AFDN: variants seen among roughly 807,000 people sequenced by gnomAD.
AFDN encodes afadin, adherens junction formation factor.
A neutral mutation model predicts 216.6 loss-of-function variants in AFDN; 68 were observed. The ratio of observed to expected loss-of-function variants is 0.31; its 90% CI spans 0.26 to 0.38. The LOEUF is 0.38. Ranked by LOEUF, AFDN falls within the 10% of genes least tolerant of loss-of-function variation. The pLI, the probability that AFDN is intolerant of heterozygous loss-of-function variation, is 1.00. For synonymous variants in AFDN, 868 were observed against 853.7 expected (o/e 1.02, Z -0.29); for missense variants, 2,136 against 2,342.0 (o/e 0.91, Z 1.82).
intron 1 of AFDN, among the ~76,000 whole-genome samples, chr6:167,835,630 T>C (rs1780340842): frequency 6.6e-6 from 1 of 152,216 alleles, no homozygotes; most frequent in African/African-American, 2.4e-5. Context: ...TAGTAAAAAA[T>C]ACGTTTTGTA....
intron 12 of AFDN, among the ~76,000 whole-genome samples, chr6:167,906,665 T>A (rs1281961352): frequency 6.6e-6 from 1 of 152,212 alleles, no homozygotes; most frequent in African/African-American, 2.4e-5. Context: ...CCATATAATA[T>A]GTGTTTTCCC....
chr6:167,898,169 A>G, intron 10 of AFDN, 36 bp from the exon 11 acceptor site: 1 of 1,608,848 alleles, frequency 6.2e-7, no homozygotes, highest in Non-Finnish European at 8.5e-7. Context: ...TGTGAACTTC[A>G]TGATGGGAGT....
At chr6:167,924,881 C>A in intron 22 of AFDN, 124 bp from the exon 23 acceptor site, 1 of 779,438 alleles carries the variant, frequency 1.3e-6, no homozygotes, top group Admixed American at 1.7e-5. Flanking sequence ...TACTGTTTAT[C>A]TTCTCATCCT....
intron 2 of AFDN, among the ~76,000 whole-genome samples, chr6:167,867,471 C>G (rs533596694): frequency 3.3e-5 from 5 of 150,134 alleles, no homozygotes; most frequent in African/African-American, 1.2e-4. Flanking sequence ...ATTCTGTCGC[C>G]CAGGCTGGAG....
chr6:167,937,150 C>T (rs916498500), intron 23 of AFDN, among the ~76,000 whole-genome samples: 1 of 152,060 alleles, frequency 6.6e-6, no homozygotes, highest in Non-Finnish European at 1.5e-5. Context: ...GGAATGTGTC[C>T]ACGGAAATGT....
intron 1 of AFDN, among the ~76,000 whole-genome samples, chr6:167,835,901 GT>G (rs1374270004): frequency 3.3e-5 from 5 of 152,112 alleles, no homozygotes; most frequent in African/African-American, 1.2e-4. Context: ...AAAAATATGT[GT>G]GTTCTAAGGT....
chr6:167,870,278 A>T lies in AFDN; in HGVS notation c.302-108A>T, dbSNP rs1301987041. The T allele has an allele frequency of 4.7e-6, 3 of 642,932 alleles. No individual in the cohort carries two copies. In the Admixed American group the frequency reaches 8.3e-5, roughly 18 times the overall value. The allele number at this position is 642,932 out of a possible 1,614,324, so 39.8% of individuals were successfully genotyped here. ...TTTGAACAATACATTTCAGTCTGCA[A>T]GTAGGTGCTTTGTCTATAAAATTAA... On this transcript the variant is annotated intron_variant, in intron 2 of 33. Transcript: ENST00000683244.
chr6:167,929,380 A>T (rs1355130794), intron 23 of AFDN, among the ~76,000 whole-genome samples: 1 of 152,262 alleles, frequency 6.6e-6, no homozygotes, highest in East Asian at 1.9e-4. Flanking sequence ...GTAACAGCGT[A>T]GAAGGTTAGG....
intron 3 of AFDN, among the ~76,000 whole-genome samples, chr6:167,871,438 C>T (rs899482058): frequency 6.6e-6 from 1 of 152,206 alleles, no homozygotes; most frequent in Non-Finnish European, 1.5e-5. Flanking sequence ...AAGACCAGTG[C>T]AGTGCTCCAA....
At chr6:167,886,773 G>T (rs1023882477) in intron 6 of AFDN, among the ~76,000 whole-genome samples, 1 of 152,034 alleles carries the variant, frequency 6.6e-6, no homozygotes. Flanking sequence ...CTGAACAGAC[G>T]CCTGATGCTT....
At chr6:167,897,738 C>T (rs1788460737) in intron 10 of AFDN, among the ~76,000 whole-genome samples, 2 of 145,896 alleles carry the variant, frequency 1.4e-5, no homozygotes, top group African/African-American at 2.6e-5. Flanking sequence ...CCTCCAACTC[C>T]CTGGTTCAAG....
rs144799471 is a variant in AFDN at position 167,948,316 on chromosome 6, T to C, written c.3669T>C (p.Pro1223=). ...CTEEQTPPPR[P]EAYPIPTQTY... is the part of the protein sequence containing the mutation. ...AGGAGCAGACGCCTCCGCCTAGACC[T>C]GAAGCCTACCCCATCCCCACTCAGA... Residue 1223 remains proline, a synonymous_variant, in exon 29 of 34, where the codon CCT becomes CCC. Coordinates refer to ENST00000683244, the MANE Select transcript of AFDN (RefSeq NM_001386888.1). 5 of 1,613,826 alleles carry C rather than the reference T, an allele frequency of 3.1e-6. No individual in the cohort carries two copies. The African/African-American group carries it at 6.7e-5, about 22-fold the overall frequency.
At chr6:167,922,220 G>T (rs1583420346) in intron 21 of AFDN, among the ~76,000 whole-genome samples, 1 of 152,250 alleles carries the variant, frequency 6.6e-6, no homozygotes, top group East Asian at 1.9e-4. Context: ...GAATTGAAAG[G>T]CTTACTTTTA....
intron 30 of AFDN, among the ~76,000 whole-genome samples, chr6:167,959,827 G>A (rs887645133): frequency 2.6e-5 from 4 of 151,988 alleles, no homozygotes; most frequent in Admixed American, 6.6e-5. Context: ...TGTAGTTCTC[G>A]ATTTAGAATA....
At chr6:167,853,535 T>C (rs17165137) in intron 1 of AFDN, among the ~76,000 whole-genome samples, 82,380 of 151,836 alleles carry the variant, frequency 0.54, 23,091 homozygotes, top group Middle Eastern at 0.63. Context: ...GTTTTATGTT[T>C]CCAGCGATTG....
At chr6:167,899,711 A>C (rs1272701748) in intron 11 of AFDN, among the ~76,000 whole-genome samples, 1 of 152,200 alleles carries the variant, frequency 6.6e-6, no homozygotes, top group Non-Finnish European at 1.5e-5. Context: ...AGGTTTGTCC[A>C]AAGAGATTAT....
At chr6:167,888,430 T>C (rs562602895) in intron 6 of AFDN, among the ~76,000 whole-genome samples, 6 of 152,304 alleles carry the variant, frequency 3.9e-5, no homozygotes, top group Admixed American at 1.3e-4. Flanking sequence ...TTTCTTATTC[T>C]CTCTAATCCT....
intron 1 of AFDN, among the ~76,000 whole-genome samples, chr6:167,862,256 G>A (rs1293979474): frequency 1.3e-5 from 2 of 152,300 alleles, no homozygotes; most frequent in East Asian, 3.9e-4. Flanking sequence ...ACAGTGCGTA[G>A]GACGTGGTCA....
intron 3 of AFDN, among the ~76,000 whole-genome samples, chr6:167,870,826 A>G (rs1784706677): frequency 6.6e-6 from 1 of 152,202 alleles, no homozygotes; most frequent in African/African-American, 2.4e-5. Flanking sequence ...ATAAGGATCA[A>G]AAGGGAAAAT....
Sources: gnomAD v4.1 joint callset for allele counts (sites outside exome capture counted in the v4.1 genomes callset) on GRCh38, gnomAD v4.1.1 for gene constraint, MANE v1.5 for transcripts, NCBI Gene and HGNC (gene_info 2026-07-23, HGNC 2026-07-21) for gene names.